The following PTCHD4 variants were observed in gnomAD, a reference collection of about 807,000 sequenced individuals.
PTCHD4 encodes patched domain-containing protein 4.
Under a neutral mutation model 58.1 loss-of-function variants are expected in PTCHD4, and 33 were observed. That is an observed-to-expected ratio of 0.57 (90% CI 0.43 to 0.76). The LOEUF (loss-of-function observed/expected upper bound fraction) is 0.76, where lower values mean the gene tolerates loss of function less well. Ranked by LOEUF, PTCHD4 falls within the 30% of genes least tolerant of loss-of-function variation. PTCHD4 has a pLI of 0.00. For missense variants in PTCHD4, 1,058 were observed against 1,027.1 expected (o/e 1.03, Z -0.41); for synonymous variants, 478 against 409.6 (o/e 1.17, Z -2.02).
At chr6:47,980,021 A>G (rs528088461) in intron 4 of PTCHD4, among the ~76,000 whole-genome samples, 4 of 152,216 alleles carry the variant, frequency 2.6e-5, no homozygotes, top group East Asian at 1.9e-4. Flanking sequence ...GCATTCATCA[A>G]AATGGACACA....
intron 4 of PTCHD4, among the ~76,000 whole-genome samples, chr6:47,893,123 G>T: frequency 6.6e-6 from 1 of 152,144 alleles, no homozygotes; most frequent in East Asian, 1.9e-4. Flanking sequence ...CGATTTTCCT[G>T]CCTCAGCCTC....
intron 1 of PTCHD4, among the ~76,000 whole-genome samples, chr6:48,088,999 TCA>T (rs1419845035): frequency 1.3e-5 from 2 of 151,978 alleles, no homozygotes; most frequent in East Asian, 3.9e-4. Flanking sequence ...GAGCCAAAAA[TCA>T]CACCATTGCA....
At chr6:48,101,303 A>T (rs1293243321) in intron 1 of PTCHD4, among the ~76,000 whole-genome samples, 1 of 152,206 alleles carries the variant, frequency 6.6e-6, no homozygotes, top group Admixed American at 6.5e-5. Context: ...CTATTTTATT[A>T]TGACACAAAG....
At chr6:47,995,259 C>T (rs923479267) in intron 4 of PTCHD4, among the ~76,000 whole-genome samples, 2 of 152,104 alleles carry the variant, frequency 1.3e-5, no homozygotes, top group East Asian at 1.9e-4. Flanking sequence ...ATGGAATGAT[C>T]GGGGCTAGCA....
chr6:48,048,806 A>T (rs1562026279), intron 3 of PTCHD4, among the ~76,000 whole-genome samples: 2 of 152,046 alleles, frequency 1.3e-5, no homozygotes, highest in African/African-American at 4.8e-5. Context: ...TACAACTTTC[A>T]CAAGTGAACA....
intron 4 of PTCHD4, among the ~76,000 whole-genome samples, chr6:47,984,013 G>A (rs1450810799): frequency 2.0e-5 from 3 of 152,046 alleles, no homozygotes; most frequent in Admixed American, 6.5e-5. Flanking sequence ...ATAATATGCT[G>A]TAAATGCTTT....
intron 4 of PTCHD4, among the ~76,000 whole-genome samples, chr6:47,946,392 T>C (rs1427859850): frequency 6.6e-6 from 1 of 152,168 alleles, no homozygotes; most frequent in Admixed American, 6.6e-5. Flanking sequence ...TATATCAGAA[T>C]TGTTGCATCT....
intron 1 of PTCHD4, among the ~76,000 whole-genome samples, chr6:48,097,242 C>T (rs1402865352): frequency 6.6e-6 from 1 of 151,778 alleles, no homozygotes; most frequent in Non-Finnish European, 1.5e-5. Flanking sequence ...TAAAATATAA[C>T]AAAGAAATAC....
intron 3 of PTCHD4, among the ~76,000 whole-genome samples, chr6:48,016,048 T>C (rs1762855307): frequency 6.6e-6 from 1 of 151,994 alleles, no homozygotes; most frequent in African/African-American, 2.4e-5. Context: ...ACAACATCTC[T>C]TTCTCAGTCT....
At chr6:47,901,910 G>A in intron 4 of PTCHD4, 2 of 1,303,468 alleles carry the variant, frequency 1.5e-6, no homozygotes, top group Non-Finnish European at 2.0e-6. Context: ...TTTGTTTCTA[G>A]CTTGAGGTAA....
chr6:48,000,467 T>G (rs554972906), intron 4 of PTCHD4, among the ~76,000 whole-genome samples: 17 of 152,182 alleles, frequency 1.1e-4, no homozygotes, highest in Non-Finnish European at 2.4e-4. Context: ...TTTAAAAAAT[T>G]CATGAACACA....
intron 4 of PTCHD4, among the ~76,000 whole-genome samples, chr6:47,970,230 GC>G (rs1767454065): frequency 6.6e-6 from 1 of 152,098 alleles, no homozygotes. Flanking sequence ...CCTTTTTGGA[GC>G]CCCATGAAGA....
intron 4 of PTCHD4, among the ~76,000 whole-genome samples, chr6:47,919,152 G>C (rs1453249913): frequency 6.6e-6 from 1 of 151,888 alleles, no homozygotes; most frequent in Non-Finnish European, 1.5e-5. Context: ...CCATTATTTT[G>C]GGTTCCTTTT....
intron 1 of PTCHD4, among the ~76,000 whole-genome samples, chr6:48,098,430 C>G (rs1765523857): frequency 6.6e-6 from 1 of 151,764 alleles, no homozygotes; most frequent in African/African-American, 2.4e-5. Flanking sequence ...CCTCCACCTC[C>G]CAGGTTCAAG....
chr6:47,997,787 G>T (rs114238881), intron 4 of PTCHD4, among the ~76,000 whole-genome samples: 2,661 of 152,252 alleles, frequency 0.017, 37 homozygotes, highest in South Asian at 0.047. Context: ...AGGCAGGTGG[G>T]AATTAGTCCA....
chr6:47,890,000 A>C (rs1764325830), intron 4 of PTCHD4, among the ~76,000 whole-genome samples: 1 of 152,096 alleles, frequency 6.6e-6, no homozygotes, highest in Non-Finnish European at 1.5e-5. Context: ...AGTTCTATGT[A>C]GTATAAAAAA....
chr6:48,098,318 T>TTTC (rs374977976), intron 1 of PTCHD4, among the ~76,000 whole-genome samples: 2,212 of 142,646 alleles, frequency 0.016, 75 homozygotes, highest in African/African-American at 0.047. Flanking sequence ...TTTCTTTTCT[T>TTTC]TTCTTCTTCT....
chr6:47,915,361 A>C (rs1049722853), intron 4 of PTCHD4, among the ~76,000 whole-genome samples: 4 of 152,186 alleles, frequency 2.6e-5, no homozygotes, highest in African/African-American at 9.7e-5. Context: ...GTCAGAATTC[A>C]AGTTTATGAC....
At chr6:48,103,700 G>GA (rs200773007) in intron 1 of PTCHD4, among the ~76,000 whole-genome samples, 17 of 150,694 alleles carry the variant, frequency 1.1e-4, no homozygotes, top group Admixed American at 2.0e-4. Context: ...TAAAAACTTT[G>GA]AAAAAAAAAT....
Sources: allele counts gnomAD v4.1 joint callset (sites outside exome capture counted in the v4.1 genomes callset), GRCh38; gene constraint gnomAD v4.1.1; transcripts MANE v1.5; gene names NCBI Gene and HGNC (gene_info 2026-07-23, HGNC 2026-07-21).